The following KRT80 variants were observed in gnomAD, a reference collection of about 807,000 sequenced individuals.
KRT80 encodes the protein keratin, type II cytoskeletal 80.
KRT80 carries 36 observed loss-of-function variants against 51.5 expected under a neutral mutation model. The ratio of observed to expected loss-of-function variants is 0.70; its 90% CI spans 0.54 to 0.92. The LOEUF is 0.92. Among genes scored for constraint, KRT80 ranks in the 40% least tolerant of loss-of-function variants. KRT80 has a pLI of 0.00. For synonymous variants in KRT80, 235 were observed against 248.3 expected (o/e 0.95, Z 0.50); for missense variants, 566 against 591.7 (o/e 0.96, Z 0.45).
intron 7 of KRT80, 122 bp downstream of exon 7, chr12:52,172,076 G>A (rs954930111): frequency 3.7e-6 from 4 of 1,079,648 alleles, no homozygotes; most frequent in Non-Finnish European, 5.4e-6. Flanking sequence ...ACTAAGCCAA[G>A]ACTTAAACCC....
chr12:52,189,148 C>A (rs1941445965), intron 1 of KRT80, among the ~76,000 whole-genome samples: 1 of 152,136 alleles, frequency 6.6e-6, no homozygotes, highest in East Asian at 1.9e-4. Context: ...GCCCCCACCC[C>A]TCTCCTCTCT....
chr12:52,171,601 G>A, intron 8 of KRT80, 57 bp downstream of exon 8: 2 of 1,608,874 alleles, frequency 1.2e-6, no homozygotes, highest in Non-Finnish European at 1.7e-6. Context: ...TTAGGATCAT[G>A]ATCCCCTACA....
intron 2 of KRT80, among the ~76,000 whole-genome samples, chr12:52,182,303 C>T (rs1197440527): frequency 6.6e-6 from 1 of 152,152 alleles, no homozygotes; most frequent in Non-Finnish European, 1.5e-5. Context: ...CTCTGGTGGT[C>T]CTCAGAGCAC....
chr12:52,174,216 T>G (rs780320019), intron 4 of KRT80, among the ~76,000 whole-genome samples: 1 of 152,184 alleles, frequency 6.6e-6, no homozygotes, highest in Admixed American at 6.5e-5. Flanking sequence ...GAGCAGCTCC[T>G]TGTGGGCCTG....
intron 5 of KRT80, 143 bp from the exon 6 acceptor site, chr12:52,173,306 C>A (rs2277387): frequency 3.7e-5 from 42 of 1,141,018 alleles, no homozygotes; most frequent in Non-Finnish European, 4.6e-5. Context: ...CTCAGCTCCC[C>A]CTTCCACCTC....
In KRT80 at chr12:52,185,439, C is replaced by T. The variant is rs145246078; in HGVS notation, c.449G>A (p.Arg150Gln). ...QEELRKVSQE[R>Q]GQLEANLLQV... The stretch of plus-strand genomic sequence containing the variant: ...CAGCAGGTTGGCCTCCAGCTGCCCC[C>T]GCTCCTGGCTCACTTTGCGCAGTTC... The change falls in exon 2 of 9, where the codon CGG becomes CAG. Residue 150 changes from arginine (R) to glutamine (Q), a missense_variant. By Grantham distance (43) the Arg-to-Gln change is conservative. Coordinates refer to ENST00000394815, the MANE Select transcript of KRT80 (RefSeq NM_182507.3). 5.6e-5 allele frequency: 91 copies of T among 1,613,952 alleles called. 1 individual carries two copies. The highest frequency in any genetic ancestry group is 4.5e-4 in the East Asian group (20 of 44,890).
chr12:52,172,579 G>A (rs1351785250), intron 6 of KRT80, among the ~76,000 whole-genome samples, 161 bp from the exon 7 acceptor site: 1 of 152,194 alleles, frequency 6.6e-6, no homozygotes, highest in Non-Finnish European at 1.5e-5. Flanking sequence ...CAGCAAGAGG[G>A]AGTTCAGTTA....
chr12:52,173,288 C>A lies in KRT80; in HGVS notation c.832-125G>T, dbSNP rs1371167067. 3 of 1,271,952 alleles carry A rather than the reference C, an allele frequency of 2.4e-6. 1 individual carries two copies. Among genetic ancestry groups the A allele is most frequent in the Non-Finnish European group, 3.1e-6 (3 of 959,322 alleles). 78.8% of individuals were successfully genotyped at this position (1,271,952 alleles called of 1,614,324 possible). A position where few individuals can be genotyped will look rare whatever the true frequency, so the allele number is the denominator to read the frequency against. ...AACTCTGCAGCCCACCACGCCACGC[C>A]AGGCTCCCTCAGCTCCCCCTTCCAC... On this transcript the variant is annotated intron_variant, in intron 5 of 8. Transcript: ENST00000394815.
intron 1 of KRT80, among the ~76,000 whole-genome samples, chr12:52,188,622 G>A (rs1423068055): frequency 6.6e-6 from 1 of 152,230 alleles, no homozygotes; most frequent in Non-Finnish European, 1.5e-5. Context: ...CAGGGGGAAG[G>A]CTGACTTCAG....
intron 4 of KRT80, among the ~76,000 whole-genome samples, chr12:52,178,195 C>G (rs1442173455): frequency 6.6e-6 from 1 of 152,166 alleles, no homozygotes; most frequent in Non-Finnish European, 1.5e-5. Flanking sequence ...CCCCTACTGC[C>G]TCCATCGCAA....
chr12:52,179,161 C>T (rs1941281377), intron 4 of KRT80, among the ~76,000 whole-genome samples: 1 of 152,256 alleles, frequency 6.6e-6, no homozygotes, highest in South Asian at 2.1e-4. Context: ...AGAATCTGCA[C>T]TCACCCATGG....
intron 5 of KRT80, 150 bp downstream of exon 5, chr12:52,173,450 G>GC: frequency 4.6e-6 from 2 of 438,116 alleles, no homozygotes; most frequent in African/African-American, 2.1e-5. Context: ...GTCTCCCCCC[G>GC]CCCGCCCCGT....
At chr12:52,181,883 T>C (rs2120914635) in intron 2 of KRT80, among the ~76,000 whole-genome samples, 1 of 152,316 alleles carries the variant, frequency 6.6e-6, no homozygotes, top group East Asian at 1.9e-4. Context: ...TCTGTTTTTT[T>C]CCCTCCTATT....
chr12:52,181,661 GC>G (rs754483176), intron 2 of KRT80, among the ~76,000 whole-genome samples: 11 of 152,192 alleles, frequency 7.2e-5, no homozygotes, highest in Non-Finnish European at 1.3e-4. Flanking sequence ...ACTCAACAAA[GC>G]TCAATAACGC....
At chr12:52,173,461 C>T (rs1565692032) in intron 5 of KRT80, 139 bp downstream of exon 5, 2 of 730,720 alleles carry the variant, frequency 2.7e-6, no homozygotes, top group East Asian at 5.5e-5. Flanking sequence ...CCCGCCCCGT[C>T]CCTGTGCTTC....
intron 4 of KRT80, among the ~76,000 whole-genome samples, chr12:52,178,768 C>T (rs1028570041): frequency 6.6e-6 from 1 of 152,118 alleles, no homozygotes; most frequent in South Asian, 2.1e-4. Context: ...GGGCTGAGTC[C>T]TCCTCACAGC....
intron 2 of KRT80, among the ~76,000 whole-genome samples, chr12:52,184,316 G>T (rs1941369242): frequency 6.6e-6 from 1 of 152,128 alleles, no homozygotes; most frequent in African/African-American, 2.4e-5. Flanking sequence ...GTCGGTGCAG[G>T]GCACAGCCAC....
At chr12:52,180,835 A>G (rs776418381) in intron 3 of KRT80, 68 bp downstream of exon 3, 3 of 1,610,422 alleles carry the variant, frequency 1.9e-6, no homozygotes, top group Non-Finnish European at 2.5e-6. Context: ...GGAGAGTAGG[A>G]TATCTGGAGG....
intron 6 of KRT80, 52 bp from the exon 7 acceptor site, chr12:52,172,470 C>T (rs535036958): frequency 4.8e-5 from 73 of 1,527,490 alleles, no homozygotes; most frequent in Admixed American, 7.2e-5. Context: ...GAAGGAGGAG[C>T]GGGCCAGGGC....
Sources: allele counts gnomAD v4.1 joint callset (sites outside exome capture counted in the v4.1 genomes callset), GRCh38; gene constraint gnomAD v4.1.1; transcripts MANE v1.5; gene names NCBI Gene and HGNC (gene_info 2026-07-23, HGNC 2026-07-21).